Variants in LCP2 observed in about 807,000 individuals in gnomAD.
LCP2 encodes lymphocyte cytosolic protein 2.
LCP2 carries 29 observed loss-of-function variants against 74.5 expected under a neutral mutation model. That is an observed-to-expected ratio of 0.39 (90% CI 0.29 to 0.53). LCP2 has a LOEUF of 0.53. LCP2 is among the 20% of genes least tolerant of loss of function. The pLI is 0.72. For synonymous variants in LCP2, 228 were observed against 229.5 expected (o/e 0.99, Z 0.06); for missense variants, 604 against 634.6 (o/e 0.95, Z 0.52).
chr5:170,251,933 G>T, intron 19 of LCP2: 1 of 243,656 alleles, frequency 4.1e-6, no homozygotes, highest in South Asian at 4.7e-5. Context: ...ATAAATCTAA[G>T]GTAAAGTTTC....
chr5:170,272,592 A>ATTTTTTTTTTTT lies in LCP2; in HGVS notation c.325-1676_325-1675insAAAAAAAAAAAA, dbSNP rs1761913090. On this transcript the variant is annotated intron_variant, in intron 6 of 20. Coordinates refer to ENST00000046794, the MANE Select transcript of LCP2 (RefSeq NM_005565.5). The stretch of plus-strand genomic sequence containing the variant: ...CGGTTATAACTGTAACCCATCAAAT[A>ATTTTTTTTTTTT]TTTTCTTTTTTTTTTTTTTTTTTTT... Among the ~76,000 whole-genome samples the ATTTTTTTTTTTT allele has an allele frequency of 8.7e-5, 3 of 34,308 alleles. 1 individual carries two copies. The highest frequency in any genetic ancestry group is 8.3e-4 in the Admixed American group (2 of 2,398). The allele number at this position is 34,308 out of a possible 152,430, so 22.5% of individuals were successfully genotyped here.
intron 10 of LCP2, among the ~76,000 whole-genome samples, chr5:170,265,123 G>T (rs968357855): frequency 2.0e-5 from 3 of 151,838 alleles, no homozygotes; most frequent in African/African-American, 7.3e-5. Context: ...GAGTAGCTGG[G>T]ACTGCAGGTG....
chr5:170,296,483 C>G (rs1762387690), intron 1 of LCP2, among the ~76,000 whole-genome samples: 1 of 152,112 alleles, frequency 6.6e-6, no homozygotes, highest in Admixed American at 6.5e-5. Context: ...TCTCAATTTC[C>G]CCAGGAAAAA....
At chr5:170,272,597 CTTTTTTT>C (rs61463939) in intron 6 of LCP2, among the ~76,000 whole-genome samples, 21 of 40,354 alleles carry the variant, frequency 5.2e-4, no homozygotes, top group South Asian at 2.9e-3. Context: ...CAAATATTTT[CTTTTTTT>C]TTTTTTTTTT....
rs1353747261 is a variant in LCP2 at position 170,248,289 on chromosome 5, G to A, written c.*408C>T. 1 of 159,116 alleles carries A rather than the reference G, an allele frequency of 6.3e-6. No individual in the cohort carries two copies. Among genetic ancestry groups the A allele is most frequent in the East Asian group, 1.9e-4 (1 of 5,254 alleles). The allele number at this position is 159,116 out of a possible 1,614,324, so 9.9% of individuals were successfully genotyped here. A position where few individuals can be genotyped will look rare whatever the true frequency, so the allele number is the denominator to read the frequency against. On this transcript the variant is annotated 3_prime_UTR_variant, in exon 21 of 21. Coordinates refer to ENST00000046794, the MANE Select transcript of LCP2 (RefSeq NM_005565.5). ...ATAAAACTAATGAATGCCTCTGACTGACAGAGGTTTGGCTGTAAAAAACAA... is the reference window on the plus strand; with the variant it reads ...ATAAAACTAATGAATGCCTCTGACTAACAGAGGTTTGGCTGTAAAAAACAA...
chr5:170,271,654 C>A (rs1307555194), intron 6 of LCP2, among the ~76,000 whole-genome samples: 1 of 151,996 alleles, frequency 6.6e-6, no homozygotes, highest in East Asian at 1.9e-4. Context: ...GCCTTTGAAG[C>A]AGTCCATGAA....
chr5:170,295,213 TA>T (rs1436526865), intron 1 of LCP2, among the ~76,000 whole-genome samples: 1 of 152,192 alleles, frequency 6.6e-6, no homozygotes, highest in Non-Finnish European at 1.5e-5. Context: ...AACAAATATG[TA>T]ACATGGTCTC....
rs775647689 is a variant in LCP2 at position 170,267,065 on chromosome 5, G to C, written c.632C>G (p.Pro211Arg). 6.2e-7 allele frequency: 1 copy of C among 1,613,746 alleles called. No individual in the cohort carries two copies. Among genetic ancestry groups the C allele is most frequent in the Non-Finnish European group, 8.5e-7 (1 of 1,179,876 alleles). Residue 211 changes from proline (P) to arginine (R), a missense_variant, in exon 9 of 21, where the codon CCA becomes CGA. Pro to Arg is a moderately radical substitution (Grantham distance 103). Coordinates refer to ENST00000046794, the MANE Select transcript of LCP2 (RefSeq NM_005565.5). The part of the protein sequence containing the change: ...PAGRNHSPLP[P>R]PQTNHEEPSR... ...GGGTTCTTCGTGGTTGGTCTGGGGT[G>C]GGGGCAGTGGCTGCATAAAGATCCA...
Position 170,293,300 on chromosome 5 carries a change from C to G in LCP2, c.141+10G>C, listed in dbSNP as rs377378356. On this transcript the variant is annotated intron_variant, in intron 2 of 20. Coordinates refer to ENST00000046794, the MANE Select transcript of LCP2 (RefSeq NM_005565.5). ...CTTGGTTTCAGTGTGTTGGACTAGCCAGAGCTTACCAAGAAGCGAGCCCCA... is the reference window on the plus strand; with the variant it reads ...CTTGGTTTCAGTGTGTTGGACTAGCGAGAGCTTACCAAGAAGCGAGCCCCA... 6.2e-6 allele frequency: 10 copies of G among 1,605,662 alleles called. No individual in the cohort carries two copies. Among genetic ancestry groups the G allele is most frequent in the East Asian group, 4.5e-5 (2 of 44,646 alleles).
chr5:170,250,774 C>G lies in LCP2; in HGVS notation c.1435G>C (p.Glu479Gln). ...VYNIQIRYQK[E>Q]SQVYLLGTGL... is the part of the protein sequence containing the mutation. The stretch of plus-strand genomic sequence containing the variant: ...GTTCCCAACAAGTAAACTTGACTTT[C>G]CTTCTGATAACGGATCTGGATGTTG... Residue 479 changes from glutamate to glutamine, a missense_variant, in exon 20 of 21, where the codon GAA becomes CAA. Glu to Gln is a conservative substitution (Grantham distance 29). Coordinates refer to ENST00000046794, the MANE Select transcript of LCP2 (RefSeq NM_005565.5). The G allele has an allele frequency of 1.2e-6, 2 of 1,613,240 alleles. No individual in the cohort carries two copies. The highest frequency in any genetic ancestry group is 8.5e-7 in the Non-Finnish European group (1 of 1,179,212).
At chr5:170,285,910 C>T (rs915701399) in intron 3 of LCP2, among the ~76,000 whole-genome samples, 1 of 152,206 alleles carries the variant, frequency 6.6e-6, no homozygotes. Flanking sequence ...CAACTCAAGT[C>T]GTCCACCAGA....
intron 3 of LCP2, among the ~76,000 whole-genome samples, chr5:170,286,134 A>G (rs1177811971): frequency 6.6e-6 from 1 of 152,236 alleles, no homozygotes; most frequent in African/African-American, 2.4e-5. Flanking sequence ...CGAAAGCCAA[A>G]GTTCCCATGA....
At chr5:170,275,750 T>A in intron 4 of LCP2, 45 bp downstream of exon 4, 1 of 1,496,164 alleles carries the variant, frequency 6.7e-7, no homozygotes, top group South Asian at 1.2e-5. Flanking sequence ...AAGGTTCAAC[T>A]CGGGACTGAA....
At chr5:170,286,749 C>G (rs1284009417) in intron 3 of LCP2, among the ~76,000 whole-genome samples, 1 of 152,170 alleles carries the variant, frequency 6.6e-6, no homozygotes, top group Non-Finnish European at 1.5e-5. Context: ...TATAGTCATG[C>G]TAAAAATATT....
In LCP2 at chr5:170,250,718, T is replaced by C. The variant is rs1308888715; in HGVS notation, c.1479+12A>G. On this transcript the variant is annotated intron_variant, in intron 20 of 20. Coordinates refer to ENST00000046794, the MANE Select transcript of LCP2 (RefSeq NM_005565.5). ...AAGACTTTGGGAAAATGTCGAAATT[T>C]GAAATCCTTACCTCTTTCCCTCGGA... The C allele has an allele frequency of 6.2e-7, 1 of 1,610,698 alleles. No individual in the cohort carries two copies. The highest frequency in any genetic ancestry group is 8.5e-7 in the Non-Finnish European group (1 of 1,177,078).
chr5:170,261,434 A>G (rs548662164), intron 13 of LCP2, among the ~76,000 whole-genome samples: 40 of 144,110 alleles, frequency 2.8e-4, no homozygotes, highest in Middle Eastern at 3.5e-3. Flanking sequence ...CACACTCTAT[A>G]TGTATATGTA....
intron 3 of LCP2, 38 bp from the exon 4 acceptor site, chr5:170,275,898 C>T (rs1473930823): frequency 6.6e-7 from 1 of 1,514,320 alleles, no homozygotes; most frequent in Non-Finnish European, 9.0e-7. Context: ...ATAAAACCAT[C>T]ACTCAGTCTC....
intron 6 of LCP2, among the ~76,000 whole-genome samples, chr5:170,272,761 C>T (rs937501272): frequency 1.3e-5 from 2 of 151,416 alleles, no homozygotes; most frequent in African/African-American, 2.4e-5. Context: ...TACAGGCACG[C>T]ACCACCACGC....
At chr5:170,291,258 G>A (rs1270858281) in intron 2 of LCP2, among the ~76,000 whole-genome samples, 1 of 151,658 alleles carries the variant, frequency 6.6e-6, no homozygotes, top group Admixed American at 6.6e-5. Flanking sequence ...AAAATAACTA[G>A]GGCCTTTCAC....
Sources: allele counts gnomAD v4.1 joint callset (sites outside exome capture counted in the v4.1 genomes callset), GRCh38; gene constraint gnomAD v4.1.1; transcripts MANE v1.5; gene names NCBI Gene and HGNC (gene_info 2026-07-23, HGNC 2026-07-21).